Variants in RAB2A observed in about 807,000 individuals in gnomAD.
RAB2A encodes RAB2A, member RAS oncogene family.
In RAB2A, 7 loss-of-function variants were observed where a neutral mutation model predicts 32.5. The observed-to-expected ratio is 0.22, with a 90% CI of 0.12 to 0.40. The LOEUF (loss-of-function observed/expected upper bound fraction) is 0.40. RAB2A is among the 10% of genes least tolerant of loss of function. RAB2A has a pLI of 1.00. For synonymous variants in RAB2A, 79 were observed against 85.2 expected, an observed-to-expected ratio of 0.93 and a Z score of 0.40; for missense variants, 108 against 260.7, an observed-to-expected ratio of 0.41 and a Z score of 4.03.
rs56406651 is a variant in RAB2A, at chr8:60,598,937, C to CAAAAAAAA, written c.474+6990_474+6997dup. Among the ~76,000 whole-genome samples the CAAAAAAAA allele has an allele frequency of 4.8e-3, 192 of 40,396 alleles. 14 individuals carry two copies. The highest frequency in any genetic ancestry group is 6.8e-3 in the East Asian group (8 of 1,182). 26.5% of individuals were successfully genotyped at this position (40,396 alleles called of 152,430 possible). On this transcript the variant is annotated intron_variant, in intron 6 of 7. Coordinates refer to ENST00000262646, the MANE Select transcript of RAB2A (RefSeq NM_002865.3). ...GGAAGTTCTAGCCAGTGCAGTAAAG[C>CAAAAAAAA]AAAAAAAAAAAAAAAAAAAAAAAAA... is the stretch of plus-strand genomic sequence containing the variant.
At chr8:60,543,094 T>C (rs1344488837) in intron 1 of RAB2A, among the ~76,000 whole-genome samples, 1 of 152,168 alleles carries the variant, frequency 6.6e-6, no homozygotes, top group Non-Finnish European at 1.5e-5. Context: ...ATAGACAGAA[T>C]CAACAAGACT....
At chr8:60,577,057 GTTT>G (rs1385732726) in intron 3 of RAB2A, among the ~76,000 whole-genome samples, 1 of 148,060 alleles carries the variant, frequency 6.8e-6, no homozygotes, top group African/African-American at 2.5e-5. Flanking sequence ...TTTTTTTCTT[GTTT>G]TTTGAGGCAG....
intron 1 of RAB2A, among the ~76,000 whole-genome samples, chr8:60,527,872 A>G (rs1328947812): frequency 1.3e-5 from 2 of 152,144 alleles, no homozygotes; most frequent in Admixed American, 1.3e-4. Context: ...TTTATAGGGC[A>G]TTTTCTCTAG....
At chr8:60,548,586 C>A (rs1295952041) in intron 1 of RAB2A, among the ~76,000 whole-genome samples, 1 of 138,670 alleles carries the variant, frequency 7.2e-6, no homozygotes, top group Non-Finnish European at 1.6e-5. Context: ...CCAGCAGGGG[C>A]GGCCAGGCAG....
intron 1 of RAB2A, among the ~76,000 whole-genome samples, chr8:60,544,563 TTTTTTTTTTA>T (rs1367422935): frequency 4.3e-5 from 6 of 140,366 alleles, no homozygotes; most frequent in African/African-American, 1.7e-4. Flanking sequence ...TTTTTTTTTT[TTTTTTTTTTA>T]AAATAGAGAT....
intron 1 of RAB2A, chr8:60,558,448 CTTAT>C (rs751953167): frequency 1.8e-4 from 91 of 514,188 alleles, no homozygotes; most frequent in African/African-American, 1.5e-3. Context: ...TTATTGCTGG[CTTAT>C]TTGTTTGTTC....
intron 6 of RAB2A, among the ~76,000 whole-genome samples, chr8:60,617,620 C>T (rs537776498): frequency 2.8e-4 from 42 of 152,256 alleles, no homozygotes; most frequent in Non-Finnish European, 4.3e-4. Context: ...GCAGCACACA[C>T]CTGTAGTCCC....
intron 6 of RAB2A, among the ~76,000 whole-genome samples, chr8:60,597,439 G>T (rs981081870): frequency 6.6e-6 from 1 of 152,130 alleles, no homozygotes; most frequent in African/African-American, 2.4e-5. Flanking sequence ...ACCAGGGCCT[G>T]TTGGGGGGTG....
chr8:60,523,577 T>C (rs1206711697), intron 1 of RAB2A, among the ~76,000 whole-genome samples: 2 of 152,228 alleles, frequency 1.3e-5, no homozygotes, highest in African/African-American at 4.8e-5. Context: ...CTAAACTGTA[T>C]TATTTAGTTT....
intron 6 of RAB2A, among the ~76,000 whole-genome samples, chr8:60,599,755 T>G (rs1407644193): frequency 6.6e-6 from 1 of 151,990 alleles, no homozygotes; most frequent in Non-Finnish European, 1.5e-5. Context: ...GTCTCACACC[T>G]TAAAAAAACT....
intron 6 of RAB2A, among the ~76,000 whole-genome samples, chr8:60,611,502 A>G (rs997996875): frequency 1.2e-4 from 18 of 152,152 alleles, no homozygotes; most frequent in African/African-American, 4.1e-4. Context: ...TTTTTCTTCT[A>G]TGTTCGCATA....
At chr8:60,577,792 A>ATTTTTTTTTTTTTT (rs3055112) in intron 3 of RAB2A, among the ~76,000 whole-genome samples, 256 of 112,916 alleles carry the variant, frequency 2.3e-3, no homozygotes, top group South Asian at 3.0e-3. Flanking sequence ...CGCCCGGCTA[A>ATTTTTTTTTTTTTT]TTTTTTTTTT....
chr8:60,605,588 G>A (rs544248627), intron 6 of RAB2A, among the ~76,000 whole-genome samples: 18 of 152,254 alleles, frequency 1.2e-4, no homozygotes, highest in African/African-American at 4.3e-4. Flanking sequence ...CAAGGCCTTG[G>A]GAGCACACCC....
chr8:60,592,160 T>TA (rs144969709), intron 6 of RAB2A, 191 bp downstream of exon 6: 15,818 of 389,052 alleles, frequency 0.041, 1,832 homozygotes, highest in African/African-American at 0.27. Flanking sequence ...TTGAGCCTTC[T>TA]AAAGCCTGAA....
At chr8:60,584,101 T>C (rs917277652) in intron 3 of RAB2A, 107 bp from the exon 4 acceptor site, 1 of 891,072 alleles carries the variant, frequency 1.1e-6, no homozygotes, top group Non-Finnish European at 1.8e-6. Context: ...TTCTTGTCTC[T>C]CTTTATGCAC....
At chr8:60,583,176 T>C (rs6990951) in intron 3 of RAB2A, among the ~76,000 whole-genome samples, 8,527 of 152,206 alleles carry the variant, frequency 0.056, 626 homozygotes, top group African/African-American at 0.17. Context: ...AATATTTACA[T>C]TGCAAGATCA....
chr8:60,580,415 T>TAA (rs201811996), intron 3 of RAB2A, among the ~76,000 whole-genome samples: 2 of 146,490 alleles, frequency 1.4e-5, no homozygotes, highest in African/African-American at 5.0e-5. Flanking sequence ...GAAGCCATAA[T>TAA]AAAAAAAAAA....
At chr8:60,517,279 G>A (rs772795004) in intron 1 of RAB2A, 26 bp downstream of exon 1, 1 of 1,476,768 alleles carries the variant, frequency 6.8e-7, no homozygotes, top group Non-Finnish European at 9.0e-7. Flanking sequence ...GCGGCCGGGC[G>A]GGTGTCGGCG....
chr8:60,590,060 C>T (rs563495065), intron 5 of RAB2A, among the ~76,000 whole-genome samples: 3 of 151,962 alleles, frequency 2.0e-5, no homozygotes, highest in African/African-American at 7.3e-5. Flanking sequence ...CTCCCAGGTT[C>T]AAGCAATTCT....
Sources: gnomAD v4.1 joint callset for allele counts (sites outside exome capture counted in the v4.1 genomes callset) on GRCh38, gnomAD v4.1.1 for gene constraint, MANE v1.5 for transcripts, NCBI Gene and HGNC (gene_info 2026-07-23, HGNC 2026-07-21) for gene names.